Variants in TEX14 observed in about 807,000 individuals in gnomAD.
The protein encoded by TEX14 is testis expressed 14, intercellular bridge forming factor, also known as inactive serine/threonine-protein kinase TEX14.
TEX14 carries 168 observed loss-of-function variants against 178.6 expected under a neutral mutation model. The ratio of observed to expected loss-of-function variants is 0.94; its 90% CI spans 0.83 to 1.07. The LOEUF (loss-of-function observed/expected upper bound fraction) is 1.07. Ranked by LOEUF, TEX14 falls within the 50% of genes least tolerant of loss-of-function variation. The pLI is 0.00. For synonymous variants in TEX14, 626 were observed against 634.1 expected, an observed-to-expected ratio of 0.99 and a Z score of 0.19; for missense variants, 1,730 against 1,753.6, an observed-to-expected ratio of 0.99 and a Z score of 0.24.
intron 1 of TEX14, among the ~76,000 whole-genome samples, chr17:58,680,792 A>G (rs1456253699): frequency 6.6e-6 from 1 of 152,130 alleles, no homozygotes; most frequent in Non-Finnish European, 1.5e-5. Context: ...CAGAGTTAAC[A>G]GTGTTCTTCA....
chr17:58,560,912 G>A (rs1598338139), intron 29 of TEX14, among the ~76,000 whole-genome samples: 1 of 152,184 alleles, frequency 6.6e-6, no homozygotes, highest in East Asian at 1.9e-4. Flanking sequence ...AGGCCTCACA[G>A]AGTCATTGCC....
intron 2 of TEX14, among the ~76,000 whole-genome samples, chr17:58,638,660 T>C (rs1018623234): frequency 6.6e-6 from 1 of 151,720 alleles, no homozygotes; most frequent in African/African-American, 2.4e-5. Context: ...TGCCTCAACC[T>C]CCCGAGTGGC....
At chr17:58,675,214 T>C (rs2047376718) in intron 1 of TEX14, 1 of 150,984 alleles carries the variant, frequency 6.6e-6, no homozygotes, top group East Asian at 1.9e-4. Flanking sequence ...GCCATCAGGG[T>C]AATACAAATC....
At chr17:58,684,562 G>T (rs900632788) in intron 1 of TEX14, among the ~76,000 whole-genome samples, 1 of 151,878 alleles carries the variant, frequency 6.6e-6, no homozygotes, top group Non-Finnish European at 1.5e-5. Flanking sequence ...TTGAACCAGG[G>T]AGGCAGTGGT....
At chr17:58,626,285 G>A (rs1365434867) in intron 3 of TEX14, among the ~76,000 whole-genome samples, 1 of 152,152 alleles carries the variant, frequency 6.6e-6, no homozygotes, top group Non-Finnish European at 1.5e-5. Context: ...AAGCCTCCTG[G>A]CTGGGTGCGG....
At chr17:58,609,624 T>C (rs1036274127) in intron 10 of TEX14, among the ~76,000 whole-genome samples, 2 of 152,140 alleles carry the variant, frequency 1.3e-5, no homozygotes, top group African/African-American at 4.8e-5. Flanking sequence ...AGCATCCCAG[T>C]GTTCTTAAGA....
intron 5 of TEX14, 25 bp from the exon 6 acceptor site, chr17:58,617,644 A>G (rs778312773): frequency 6.4e-7 from 1 of 1,564,102 alleles, no homozygotes; most frequent in Non-Finnish European, 8.8e-7. Flanking sequence ...AACAGGAAAA[A>G]AACCTCAGAA....
In TEX14 at chr17:58,599,438, A is replaced by G; in HGVS notation, c.1907T>C (p.Ile636Thr). The G allele has an allele frequency of 6.2e-7, 1 of 1,614,092 alleles. No homozygotes were observed. The highest frequency in any genetic ancestry group is 8.5e-7 in the Non-Finnish European group (1 of 1,180,004). ...TGAAGCAGCTCCTGGAGGCTCTTCT[A>G]TGTCATCTTCCAAAATCAAGCAGCC... ...YSGCLILEDDIEEPPGAASSL... is the reference protein window; with the variant it reads ...YSGCLILEDDTEEPPGAASSL... Residue 636 changes from isoleucine to threonine, a missense_variant, in exon 14 of 32, where the codon ATA (isoleucine) becomes ACA (threonine). By Grantham distance (89) the Ile-to-Thr change is moderately conservative. Around this residue, in one of 2 missense-constraint regions of TEX14, gnomAD observed 941 missense variants for 1,072.4 expected, o/e 0.88. Coordinates refer to ENST00000349033, the MANE Select transcript of TEX14 (RefSeq NM_031272.5).
intron 1 of TEX14, among the ~76,000 whole-genome samples, chr17:58,683,608 C>T: frequency 6.7e-6 from 1 of 149,738 alleles, no homozygotes; most frequent in East Asian, 2.0e-4. Flanking sequence ...ACTAAAAATA[C>T]AAAAATTAGC....
At chr17:58,665,545 G>A (rs576030616) in intron 1 of TEX14, among the ~76,000 whole-genome samples, 21 of 151,958 alleles carry the variant, frequency 1.4e-4, no homozygotes, top group Non-Finnish European at 2.8e-4. Context: ...GCAGTGAGCC[G>A]AGATCGCGCC....
chr17:58,576,114 C>T (rs950602255), intron 21 of TEX14, among the ~76,000 whole-genome samples: 4 of 152,140 alleles, frequency 2.6e-5, no homozygotes, highest in Admixed American at 1.3e-4. Context: ...TGTTATTGTG[C>T]CAGATACGTT....
intron 12 of TEX14, among the ~76,000 whole-genome samples, chr17:58,602,185 A>G (rs1050756478): frequency 1.3e-5 from 2 of 152,210 alleles, no homozygotes; most frequent in East Asian, 3.8e-4. Context: ...CCTACTATGC[A>G]TATGTGTTGA....
intron 1 of TEX14, among the ~76,000 whole-genome samples, chr17:58,678,032 C>A (rs1449047237): frequency 6.6e-6 from 1 of 152,164 alleles, no homozygotes; most frequent in Non-Finnish European, 1.5e-5. Context: ...TGCCTGTAAG[C>A]CCAGCTATTC....
At position 58,561,583 on chromosome 17, in the gene TEX14, T is replaced by C; in HGVS notation, c.4094A>G (p.Glu1365Gly). The C allele has an allele frequency of 1.2e-6, 2 of 1,613,890 alleles. No individual in the cohort carries two copies. The highest frequency in any genetic ancestry group is 1.1e-5 in the South Asian group (1 of 91,076). The change falls in exon 29 of 32, where the codon GAA becomes GGA. Residue 1365 changes from glutamate (E) to glycine (G), a missense_variant. Glu to Gly is a moderately conservative substitution (Grantham distance 98, BLOSUM62 -2). Coordinates refer to ENST00000349033, the MANE Select transcript of TEX14 (RefSeq NM_031272.5). ...CTCCTCAGGTGGCTGCAGCCATCTT[T>C]CCAGGTCCTCATCCAGAGTAGAGTG... is the stretch of plus-strand genomic sequence containing the variant. The part of the protein sequence containing the change: ...RAHSTLDEDL[E>G]RWLQPPEESV...
intron 3 of TEX14, among the ~76,000 whole-genome samples, chr17:58,626,201 G>C (rs2046135621): frequency 1.3e-5 from 2 of 152,058 alleles, no homozygotes; most frequent in Non-Finnish European, 2.9e-5. Context: ...CAGTTACTTG[G>C]TCCAGTAGGC....
At chr17:58,632,568 G>T (rs1282542790) in intron 2 of TEX14, among the ~76,000 whole-genome samples, 1 of 152,184 alleles carries the variant, frequency 6.6e-6, no homozygotes, top group Non-Finnish European at 1.5e-5. Context: ...TTAAGGTACA[G>T]ACAAAACTCT....
chr17:58,688,182 A>G (rs1487282831), intron 1 of TEX14, among the ~76,000 whole-genome samples: 1 of 151,960 alleles, frequency 6.6e-6, no homozygotes, highest in African/African-American at 2.4e-5. Context: ...GTACAGTGTC[A>G]TAATATCGGC....
chr17:58,624,154 G>A (rs2046075714), intron 3 of TEX14, among the ~76,000 whole-genome samples: 1 of 151,812 alleles, frequency 6.6e-6, no homozygotes, highest in Non-Finnish European at 1.5e-5. Context: ...CGTAGGTGGT[G>A]CATACCTGTA....
chr17:58,661,301 C>T (rs568899194), intron 1 of TEX14: 4 of 818,156 alleles, frequency 4.9e-6, no homozygotes, highest in East Asian at 4.8e-5. Flanking sequence ...ATGATCTAGA[C>T]GCTTACGGGG....
Sources: gnomAD v4.1 joint callset for allele counts (sites outside exome capture counted in the v4.1 genomes callset) on GRCh38, gnomAD v4.1.1 for gene constraint, gnomAD v4.1.1 regional missense constraint, MANE v1.5 for transcripts, NCBI Gene and HGNC (gene_info 2026-07-23, HGNC 2026-07-21) for gene names.